Variants in ACAD10 observed in about 807,000 individuals in gnomAD.
ACAD10 encodes ACAD-10.
A neutral mutation model predicts 116.8 loss-of-function variants in ACAD10; 112 were observed. That is an observed-to-expected ratio of 0.96 (90% CI 0.82 to 1.12). ACAD10 has a LOEUF of 1.12. ACAD10 is among the 50% of genes most tolerant of loss of function. The pLI is 0.00. For missense variants in ACAD10, 1,259 were observed against 1,350.2 expected, an observed-to-expected ratio of 0.93 and a Z score of 1.06; for synonymous variants, 486 against 510.6, an observed-to-expected ratio of 0.95 and a Z score of 0.65.
chr12:111,731,305 C>G (rs1399014028), intron 10 of ACAD10, among the ~76,000 whole-genome samples: 1 of 152,028 alleles, frequency 6.6e-6, no homozygotes, highest in Admixed American at 6.5e-5. Flanking sequence ...GTGCTTCCCC[C>G]ACACTGCCTT....
In ACAD10 at chr12:111,749,322, G is replaced by A. The variant is rs773134346; in HGVS notation, c.2794G>A (p.Ala932Thr). ...CMRLIGFSERALALMKARVKS... is the reference protein window; with the variant it reads ...CMRLIGFSERTLALMKARVKS... ...GAGGCTGATCGGGTTCTCAGAGAGG[G>A]CCCTGGCACTCATGAAGGCCCGCGT... Residue 932 changes from alanine to threonine, a missense_variant, in exon 18 of 21, where the codon GCC (alanine) becomes ACC (threonine). Ala to Thr is a moderately conservative substitution (Grantham distance 58). Transcript: ENST00000313698. 5 of 1,613,068 alleles carry A rather than the reference G, an allele frequency of 3.1e-6. No homozygotes were observed. The highest frequency in any genetic ancestry group is 2.2e-5 in the East Asian group (1 of 44,856).
Position 111,746,189 on chromosome 12 carries a change from G to A in ACAD10, c.2161G>A (p.Glu721Lys), listed in dbSNP as rs773927736. 1 of 1,613,972 alleles carries A rather than the reference G, an allele frequency of 6.2e-7. No homozygotes were observed. Among genetic ancestry groups the A allele is most frequent in the Non-Finnish European group, 8.5e-7 (1 of 1,180,018 alleles). Residue 721 changes from glutamate (E) to lysine (K), a missense_variant, in exon 14 of 21, where the codon GAG (glutamate) becomes AAG (lysine). Physicochemically the swap from Glu to Lys is moderately conservative, Grantham distance 56. Coordinates refer to ENST00000313698, the MANE Select transcript of ACAD10 (RefSeq NM_025247.6). The part of the protein sequence containing the change: ...EGLWNLFLPL[E>K]ADPEKKYGAG... ...ACTTTGGAACCTTTTCCTACCCTTA[G>A]AGGCTGATCCCGAGAAAAAATACGG...
At chr12:111,728,685 G>GT in intron 9 of ACAD10, among the ~76,000 whole-genome samples, 1 of 151,948 alleles carries the variant, frequency 6.6e-6, no homozygotes, top group Middle Eastern at 3.4e-3. Flanking sequence ...AACAGGGATA[G>GT]TTTTTTTGTT....
chr12:111,750,891 A>T (rs1890055670), intron 18 of ACAD10, among the ~76,000 whole-genome samples: 1 of 152,212 alleles, frequency 6.6e-6, no homozygotes, highest in African/African-American at 2.4e-5. Context: ...ATTTTTTATT[A>T]CCGAGCAAAC....
chr12:111,745,072 C>A (rs77034308), intron 13 of ACAD10, 29 bp downstream of exon 13: 15 of 1,594,308 alleles, frequency 9.4e-6, no homozygotes, highest in Non-Finnish European at 1.3e-5. Context: ...GGTGGTAAGA[C>A]CCCAATACCA....
chr12:111,735,644 A>G (rs847900), intron 11 of ACAD10, among the ~76,000 whole-genome samples: 38,793 of 151,744 alleles, frequency 0.26, 6,704 homozygotes, highest in East Asian at 0.9. Context: ...TGTAGTAGAC[A>G]TGGGGTTTCA....
chr12:111,693,124 C>A (rs547392350), intron 2 of ACAD10: 4 of 541,058 alleles, frequency 7.4e-6, no homozygotes, highest in East Asian at 6.5e-5. Context: ...AATGGTAGTG[C>A]CTTCCTCCTT....
intron 3 of ACAD10, among the ~76,000 whole-genome samples, chr12:111,703,117 C>G (rs1412828885): frequency 6.6e-6 from 1 of 151,358 alleles, no homozygotes; most frequent in Non-Finnish European, 1.5e-5. Flanking sequence ...TTACTAAGTT[C>G]CTCCAGCATA....
At position 111,749,256 on chromosome 12, in the gene ACAD10, G is replaced by A. The variant is rs1027524848; in HGVS notation, c.2728G>A (p.Ala910Thr). 9 of 1,613,928 alleles carry A rather than the reference G, an allele frequency of 5.6e-6. No individual in the cohort carries two copies. Among genetic ancestry groups the A allele is most frequent in the South Asian group, 1.1e-5 (1 of 91,082 alleles). ...VLGPGRGFEI[A>T]QGRLGPGRIH... ...GGGCCCTGGCCGAGGCTTTGAGATC[G>A]CCCAGGGCAGACTGGGCCCCGGCAG... is the stretch of plus-strand genomic sequence containing the variant. Residue 910 changes from alanine (A) to threonine (T), a missense_variant, in exon 18 of 21, where the codon GCC (alanine) becomes ACC (threonine). Physicochemically the swap from Ala to Thr is moderately conservative, Grantham distance 58 (BLOSUM62 0). Transcript: ENST00000313698.
chr12:111,743,571 G>A (rs1371122024), intron 12 of ACAD10, among the ~76,000 whole-genome samples: 4 of 151,452 alleles, frequency 2.6e-5, no homozygotes, highest in African/African-American at 7.3e-5. Context: ...CCTGACCTCC[G>A]GTGATCCACC....
Position 111,746,131 on chromosome 12 carries a change from T to G in ACAD10, c.2116-13T>G. On this transcript the variant is annotated splice_polypyrimidine_tract_variant and intron_variant, in intron 13 of 20. Transcript: ENST00000313698. ...TTCCACTGTGGTTTCCTGACTTATT[T>G]TCCCCATGATAGGAGAAAGCCAAAG... The G allele has an allele frequency of 6.2e-7, 1 of 1,602,764 alleles. No individual in the cohort carries two copies. Among genetic ancestry groups the G allele is most frequent in the Non-Finnish European group, 8.5e-7 (1 of 1,177,446 alleles).
intron 16 of ACAD10, 59 bp downstream of exon 16, chr12:111,747,444 C>A: frequency 6.2e-7 from 1 of 1,600,804 alleles, no homozygotes; most frequent in Non-Finnish European, 8.6e-7. Flanking sequence ...CTGTTAGGCG[C>A]GTCTCTCAAT....
At chr12:111,700,859 A>G (rs1593017890) in intron 2 of ACAD10, among the ~76,000 whole-genome samples, 1 of 150,280 alleles carries the variant, frequency 6.7e-6, no homozygotes. Flanking sequence ...CCTGGGCTTA[A>G]GCGATCCTTC....
At chr12:111,748,933 T>C (rs1019639028) in intron 17 of ACAD10, 3 of 1,378,156 alleles carry the variant, frequency 2.2e-6, no homozygotes, top group Non-Finnish European at 3.0e-6. Context: ...AAGGTGGCAT[T>C]ATTATGTTTT....
chr12:111,716,038 C>T, intron 7 of ACAD10, 76 bp downstream of exon 7: 1 of 1,572,524 alleles, frequency 6.4e-7, no homozygotes, highest in Admixed American at 1.8e-5. Context: ...ACTGAAAAGT[C>T]AGCACTCCAT....
intron 8 of ACAD10, among the ~76,000 whole-genome samples, chr12:111,724,830 G>A (rs571310269): frequency 1.2e-3 from 173 of 150,406 alleles, no homozygotes; most frequent in Admixed American, 2.7e-3. Flanking sequence ...GAGGGAGACC[G>A]TGGAAAGAGA....
chr12:111,746,061 C>A, intron 13 of ACAD10, 83 bp from the exon 14 acceptor site: 1 of 1,539,702 alleles, frequency 6.5e-7, no homozygotes, highest in South Asian at 1.3e-5. Flanking sequence ...CTTGTTTCCT[C>A]CAATCCCTTT....
At chr12:111,696,450 A>T (rs1360380229) in intron 2 of ACAD10, among the ~76,000 whole-genome samples, 1 of 152,146 alleles carries the variant, frequency 6.6e-6, no homozygotes, top group East Asian at 1.9e-4. Context: ...ATTTTGTGAC[A>T]TGTGAAAATT....
chr12:111,748,746 C>T, intron 17 of ACAD10: 1 of 553,826 alleles, frequency 1.8e-6, no homozygotes, highest in Non-Finnish European at 3.2e-6. Context: ...AGGGCAGACG[C>T]AGGAAGTGGA....
Sources: allele counts gnomAD v4.1 joint callset (sites outside exome capture counted in the v4.1 genomes callset), GRCh38; gene constraint gnomAD v4.1.1; transcripts MANE v1.5; gene names NCBI Gene and HGNC (gene_info 2026-07-23, HGNC 2026-07-21).